CEP126: variants seen among roughly 807,000 people sequenced by gnomAD.
CEP126 encodes centrosomal protein 126, also known as centrosomal protein of 126 kDa.
CEP126 carries 74 observed loss-of-function variants against 107.8 expected under a neutral mutation model. The observed-to-expected ratio is 0.69, with a 90% CI of 0.57 to 0.83. CEP126 has a LOEUF of 0.83. Ranked by LOEUF, CEP126 falls within the 40% of genes least tolerant of loss-of-function variation. The probability of loss-of-function intolerance (pLI) is 0.00; values close to 1 mark genes in which losing one functional copy is unlikely to be tolerated. For missense variants in CEP126, 1,237 were observed against 1,281.9 expected (o/e 0.96, Z 0.53); for synonymous variants, 449 against 446.0 (o/e 1.01, Z -0.08).
In CEP126 at chr11:101,915,066, A is replaced by G. The variant is rs1420448711; in HGVS notation, c.-219A>G. The stretch of plus-strand genomic sequence containing the variant: ...CAGGGTTGCTGCCGCCCCATCTGCT[A>G]TTGCCCGGCGAGGTCGCCGCTGCCT... On this transcript the variant is annotated 5_prime_UTR_variant, in exon 1 of 11. Coordinates refer to ENST00000263468, the MANE Select transcript of CEP126 (RefSeq NM_020802.4). 1.8e-6 allele frequency: 1 copy of G among 562,276 alleles called. No homozygotes were observed. Among genetic ancestry groups the G allele is most frequent in the Non-Finnish European group, 3.0e-6 (1 of 335,000 alleles). 34.8% of individuals were successfully genotyped at this position (562,276 alleles called of 1,614,324 possible).
chr11:101,945,192 G>A (rs561396324), intron 3 of CEP126, among the ~76,000 whole-genome samples: 1 of 152,314 alleles, frequency 6.6e-6, no homozygotes, highest in South Asian at 2.1e-4. Flanking sequence ...CTAAACCTAT[G>A]TCAGGACATC....
chr11:101,982,227 A>T (rs1275121085), intron 8 of CEP126, among the ~76,000 whole-genome samples: 3 of 152,192 alleles, frequency 2.0e-5, no homozygotes, highest in Admixed American at 1.3e-4. Flanking sequence ...AATTACAGTA[A>T]CTGACATGTA....
intron 3 of CEP126, among the ~76,000 whole-genome samples, chr11:101,944,879 G>C (rs1340702405): frequency 2.0e-5 from 3 of 151,992 alleles, no homozygotes; most frequent in African/African-American, 7.3e-5. Context: ...GATTATGGTT[G>C]GTTCTTTTGT....
At chr11:101,971,019 G>A (rs868412582) in intron 6 of CEP126, among the ~76,000 whole-genome samples, 5 of 151,886 alleles carry the variant, frequency 3.3e-5, no homozygotes, top group South Asian at 2.1e-4. Context: ...TCTGTCACCC[G>A]GGCTGGAGTG....
intron 2 of CEP126, among the ~76,000 whole-genome samples, chr11:101,941,269 A>G (rs912031566): frequency 2.6e-5 from 4 of 152,146 alleles, no homozygotes; most frequent in Non-Finnish European, 4.4e-5. Flanking sequence ...CCCAACTGGA[A>G]TTCTGTACCC....
chr11:101,965,706 G>T (rs1591286863), intron 6 of CEP126, among the ~76,000 whole-genome samples: 1 of 152,156 alleles, frequency 6.6e-6, no homozygotes, highest in Non-Finnish European at 1.5e-5. Flanking sequence ...ACCAGTCACA[G>T]TACTGTTTTA....
At chr11:101,938,572 G>A (rs1439117876) in intron 2 of CEP126, among the ~76,000 whole-genome samples, 5 of 151,996 alleles carry the variant, frequency 3.3e-5, no homozygotes. Flanking sequence ...AATTGGCCAA[G>A]CATGGTGGCT....
chr11:101,915,275 G>A lies in CEP126; in HGVS notation c.-10G>A. 6.2e-7 allele frequency: 1 copy of A among 1,613,420 alleles called. No homozygotes were observed. Among genetic ancestry groups the A allele is most frequent in the South Asian group, 1.1e-5 (1 of 91,046 alleles). ...TGGGGGCGAGCAGACAGGCGGCGCT[G>A]AAGTGAAGGATGCTGGCGGGGAGGC... On this transcript the variant is annotated 5_prime_UTR_variant, in exon 1 of 11. Coordinates refer to ENST00000263468, the MANE Select transcript of CEP126 (RefSeq NM_020802.4).
chr11:101,992,199 T>C (rs1941393204), intron 9 of CEP126, among the ~76,000 whole-genome samples: 1 of 152,104 alleles, frequency 6.6e-6, no homozygotes, highest in African/African-American at 2.4e-5. Flanking sequence ...ACTAAGGCTA[T>C]GAGTTTAAGA....
intron 3 of CEP126, among the ~76,000 whole-genome samples, chr11:101,946,366 G>A (rs1223812268): frequency 1.3e-5 from 2 of 152,010 alleles, no homozygotes; most frequent in African/African-American, 2.4e-5. Flanking sequence ...AAATTAGCCA[G>A]GCATGGTAGT....
chr11:101,993,583 CT>C (rs1488937196), intron 10 of CEP126, among the ~76,000 whole-genome samples: 1 of 152,092 alleles, frequency 6.6e-6, no homozygotes, highest in East Asian at 1.9e-4. Context: ...AATGGGATTG[CT>C]GGGTTGAATG....
At chr11:101,985,300 T>G (rs1941303707) in intron 8 of CEP126, among the ~76,000 whole-genome samples, 1 of 152,054 alleles carries the variant, frequency 6.6e-6, no homozygotes. Flanking sequence ...TTTTTTTTTT[T>G]TAAGCAGAGT....
chr11:101,929,624 G>A (rs1591270362), intron 2 of CEP126, among the ~76,000 whole-genome samples: 1 of 152,168 alleles, frequency 6.6e-6, no homozygotes, highest in African/African-American at 2.4e-5. Flanking sequence ...TATGGAGAGC[G>A]TAGGGCACTT....
chr11:101,984,913 C>T (rs1408923848), intron 8 of CEP126, among the ~76,000 whole-genome samples: 1 of 152,176 alleles, frequency 6.6e-6, no homozygotes. Context: ...TGGAAGCCTG[C>T]CATTGTTCCT....
intron 2 of CEP126, among the ~76,000 whole-genome samples, chr11:101,942,871 A>G (rs891693981): frequency 6.6e-6 from 1 of 151,986 alleles, no homozygotes; most frequent in Non-Finnish European, 1.5e-5. Flanking sequence ...TTTTTATGCT[A>G]TTGTAAACTG....
At chr11:101,958,111 T>C in intron 4 of CEP126, 57 bp from the exon 5 acceptor site, 2 of 1,449,634 alleles carry the variant, frequency 1.4e-6, no homozygotes, top group Non-Finnish European at 1.9e-6. Context: ...TATATACATA[T>C]AGAAAGAAGT....
chr11:101,944,471 G>T, intron 3 of CEP126, 61 bp downstream of exon 3: 1 of 1,455,726 alleles, frequency 6.9e-7, no homozygotes. Context: ...GACTTGAGTA[G>T]ACAATAAAAT....
chr11:101,990,505 T>C (rs1457849016), intron 9 of CEP126, among the ~76,000 whole-genome samples: 2 of 152,108 alleles, frequency 1.3e-5, no homozygotes, highest in African/African-American at 4.8e-5. Flanking sequence ...AGAGGTATCC[T>C]ACTGTTGGTG....
intron 2 of CEP126, 117 bp from the exon 3 acceptor site, chr11:101,944,148 G>C: frequency 1.0e-6 from 1 of 979,932 alleles, no homozygotes; most frequent in Non-Finnish European, 1.4e-6. Context: ...AAAATTTGTT[G>C]TTTTTAAATA....
Sources: allele counts gnomAD v4.1 joint callset (sites outside exome capture counted in the v4.1 genomes callset), GRCh38; gene constraint gnomAD v4.1.1; transcripts MANE v1.5; gene names NCBI Gene and HGNC (gene_info 2026-07-23, HGNC 2026-07-21).